Variants in UNC5D observed in about 807,000 individuals in gnomAD.
UNC5D encodes netrin receptor UNC5D.
In UNC5D, 39 loss-of-function variants were observed where a neutral mutation model predicts 105.4. That is an observed-to-expected ratio of 0.37 (90% CI 0.29 to 0.48). UNC5D has a LOEUF of 0.48. Ranked by LOEUF, UNC5D falls within the 20% of genes least tolerant of loss-of-function variation. The pLI is 0.98. For missense variants in UNC5D, 991 were observed against 1,202.4 expected, an observed-to-expected ratio of 0.82 and a Z score of 2.60; for synonymous variants, 452 against 450.4, an observed-to-expected ratio of 1.00 and a Z score of -0.04.
At chr8:35,692,315 C>T (rs926869577) in intron 7 of UNC5D, among the ~76,000 whole-genome samples, 1 of 152,168 alleles carries the variant, frequency 6.6e-6, no homozygotes, top group African/African-American at 2.4e-5. Flanking sequence ...AAAGGTGAAC[C>T]TGTAATCACA....
chr8:35,604,182 C>T (rs547372163), intron 4 of UNC5D, among the ~76,000 whole-genome samples: 69 of 152,160 alleles, frequency 4.5e-4, no homozygotes, highest in African/African-American at 1.5e-3. Context: ...TGGCTGGTAC[C>T]GGTTGTTCCT....
intron 12 of UNC5D, 130 bp from the exon 13 acceptor site, chr8:35,750,452 A>G (rs1363294550): frequency 7.8e-6 from 7 of 893,270 alleles, no homozygotes; most frequent in Admixed American, 6.4e-5. Flanking sequence ...TAACATCGGG[A>G]TAATTGGGCA....
chr8:35,310,187 T>C (rs1051747934), intron 1 of UNC5D, among the ~76,000 whole-genome samples: 2 of 152,228 alleles, frequency 1.3e-5, no homozygotes, highest in South Asian at 4.1e-4. Flanking sequence ...TGTTTTAGTA[T>C]ATAATCCAGT....
At chr8:35,362,770 A>T (rs1801921751) in intron 1 of UNC5D, among the ~76,000 whole-genome samples, 1 of 152,194 alleles carries the variant, frequency 6.6e-6, no homozygotes. Context: ...AAAGGGCCAG[A>T]GAATAAATAT....
intron 1 of UNC5D, among the ~76,000 whole-genome samples, chr8:35,446,795 A>C (rs981476602): frequency 3.8e-4 from 58 of 152,212 alleles, no homozygotes; most frequent in African/African-American, 1.4e-3. Flanking sequence ...TGCCTAACAC[A>C]GTGACTCTGA....
intron 1 of UNC5D, among the ~76,000 whole-genome samples, chr8:35,486,033 C>CT (rs1430730695): frequency 6.6e-6 from 1 of 151,874 alleles, no homozygotes; most frequent in Non-Finnish European, 1.5e-5. Context: ...TGTCACACTG[C>CT]TTTTTTTTCT....
intron 1 of UNC5D, among the ~76,000 whole-genome samples, chr8:35,301,228 A>G (rs573795614): frequency 6.6e-6 from 1 of 152,196 alleles, no homozygotes; most frequent in Non-Finnish European, 1.5e-5. Flanking sequence ...ACATGTTGAA[A>G]GGATACAAGA....
intron 16 of UNC5D, among the ~76,000 whole-genome samples, chr8:35,776,931 T>C (rs1365486637): frequency 6.6e-6 from 1 of 152,128 alleles, no homozygotes; most frequent in Admixed American, 6.5e-5. Context: ...AAGACCGGCC[T>C]GCACTTAGGG....
At chr8:35,338,688 T>A (rs1050308666) in intron 1 of UNC5D, among the ~76,000 whole-genome samples, 2 of 152,158 alleles carry the variant, frequency 1.3e-5, no homozygotes, top group Non-Finnish European at 2.9e-5. Flanking sequence ...TCTTCCTGGC[T>A]CACTTTTAGA....
intron 1 of UNC5D, among the ~76,000 whole-genome samples, chr8:35,471,247 G>A (rs116387043): frequency 2.7e-4 from 41 of 152,214 alleles, no homozygotes; most frequent in African/African-American, 9.9e-4. Flanking sequence ...GATCCAAGTA[G>A]TAACTATACC....
At chr8:35,385,102 T>C (rs1449725580) in intron 1 of UNC5D, among the ~76,000 whole-genome samples, 1 of 152,218 alleles carries the variant, frequency 6.6e-6, no homozygotes, top group Non-Finnish European at 1.5e-5. Context: ...AGTGAAGTTT[T>C]CTTGGCTTTG....
At chr8:35,672,578 C>CT (rs1383090912) in intron 4 of UNC5D, among the ~76,000 whole-genome samples, 1 of 152,158 alleles carries the variant, frequency 6.6e-6, no homozygotes, top group Non-Finnish European at 1.5e-5. Context: ...AGAGCAAGAT[C>CT]TGTCCCACTA....
intron 3 of UNC5D, among the ~76,000 whole-genome samples, chr8:35,582,799 T>C (rs1220562779): frequency 6.6e-6 from 1 of 152,198 alleles, no homozygotes; most frequent in East Asian, 1.9e-4. Flanking sequence ...AAGCTTAAGG[T>C]TATTTTTAGG....
intron 1 of UNC5D, among the ~76,000 whole-genome samples, chr8:35,470,657 T>C (rs1809645389): frequency 6.8e-6 from 1 of 148,122 alleles, no homozygotes. Context: ...TTTAGGCCCA[T>C]ACTTGGGAGG....
In UNC5D at chr8:35,405,453, T is replaced by C. The variant is rs573147942; in HGVS notation, c.104-143839T>C. ...GCCCATATTACCTTGTGCCAGATTTTGACCAAATGGCTTTAAATTGTATAG... is the reference window on the plus strand; with the variant it reads ...GCCCATATTACCTTGTGCCAGATTTCGACCAAATGGCTTTAAATTGTATAG... On this transcript the variant is annotated intron_variant, in intron 1 of 16. Transcript: ENST00000404895. 3.9e-5 allele frequency among the ~76,000 whole-genome samples: 6 copies of C among 152,370 alleles called. No individual in the cohort carries two copies. The East Asian group carries it at 1.2e-3, about 29-fold the overall frequency.
At chr8:35,611,863 G>T (rs992886398) in intron 4 of UNC5D, among the ~76,000 whole-genome samples, 3 of 152,148 alleles carry the variant, frequency 2.0e-5, no homozygotes, top group African/African-American at 7.2e-5. Context: ...ATAAAAGTTA[G>T]AAATTATGTC....
intron 4 of UNC5D, among the ~76,000 whole-genome samples, chr8:35,600,724 A>G (rs938783075): frequency 6.6e-6 from 1 of 152,178 alleles, no homozygotes; most frequent in Non-Finnish European, 1.5e-5. Flanking sequence ...AGTAGGTTGC[A>G]AAAATTGTCT....
chr8:35,580,833 C>A (rs1331643503), intron 3 of UNC5D, among the ~76,000 whole-genome samples: 3 of 152,040 alleles, frequency 2.0e-5, no homozygotes, highest in African/African-American at 7.3e-5. Flanking sequence ...ACAGTTGGAA[C>A]AATAGCTAGA....
intron 10 of UNC5D, 200 bp downstream of exon 10, chr8:35,726,729 C>A: frequency 1.3e-6 from 1 of 771,048 alleles, no homozygotes; most frequent in Non-Finnish European, 2.0e-6. Context: ...TTCATCTCAG[C>A]ATGGATTGAA....
Sources: allele counts gnomAD v4.1 joint callset (sites outside exome capture counted in the v4.1 genomes callset), GRCh38; gene constraint gnomAD v4.1.1; transcripts MANE v1.5; gene names NCBI Gene and HGNC (gene_info 2026-07-23, HGNC 2026-07-21).